The following DUSP22 variants were observed in gnomAD, a reference collection of about 807,000 sequenced individuals.
The protein encoded by DUSP22 is dual specificity protein phosphatase 22.
Under a neutral mutation model 24.5 loss-of-function variants are expected in DUSP22, and 24 were observed. That is an observed-to-expected ratio of 0.98 (90% CI 0.71 to 1.38). DUSP22 has a LOEUF of 1.38. Ranked by LOEUF, DUSP22 falls within the 40% of genes most tolerant of loss-of-function variation. The probability of loss-of-function intolerance (pLI) is 0.00; values close to 1 mark genes in which losing one functional copy is unlikely to be tolerated. For missense variants in DUSP22, 330 were observed against 269.2 expected, an observed-to-expected ratio of 1.23 and a Z score of -1.58; for synonymous variants, 160 against 106.4, an observed-to-expected ratio of 1.50 and a Z score of -3.10.
intron 6 of DUSP22, chr6:348,558 A>G (rs1175213430): frequency 7.4e-6 from 7 of 940,020 alleles, no homozygotes; most frequent in African/African-American, 5.0e-5. Context: ...GGTCTGGCCT[A>G]TTTTCATGTC....
At chr6:346,003 G>C (rs1055993498) in intron 5 of DUSP22, 75 bp downstream of exon 5, 4 of 1,572,044 alleles carry the variant, frequency 2.5e-6, no homozygotes, top group African/African-American at 2.7e-5. Context: ...GTTTTTCCGT[G>C]TGTGAATAAT....
At chr6:298,617 G>A (rs1757443660) in intron 1 of DUSP22, among the ~76,000 whole-genome samples, 1 of 152,310 alleles carries the variant, frequency 6.6e-6, no homozygotes. Flanking sequence ...TCCATCAGGA[G>A]GAACCATCAA....
chr6:331,708 GTA>G lies in DUSP22; in HGVS notation c.139-3404_139-3403del, dbSNP rs1474024160. Among the ~76,000 whole-genome samples, 9 of 152,302 alleles carry G rather than the reference GTA, an allele frequency of 5.9e-5. No individual in the cohort carries two copies. In the East Asian group the frequency reaches 7.7e-4, roughly 13 times the overall value. Reference sequence around the variant, plus strand: ...TGTCATGAATTGTACACATGTGCAGGTATCTGAAGCTGTTCTAAGGTAACTCA... The same window carrying G: ...TGTCATGAATTGTACACATGTGCAGGTCTGAAGCTGTTCTAAGGTAACTCA... On this transcript the variant is annotated intron_variant, in intron 3 of 6. Coordinates refer to ENST00000419235, the MANE Select transcript of DUSP22 (RefSeq NM_001286555.3).
At chr6:335,669 T>G (rs1759329177) in intron 4 of DUSP22, among the ~76,000 whole-genome samples, 1 of 152,302 alleles carries the variant, frequency 6.6e-6, no homozygotes, top group South Asian at 2.1e-4. Context: ...GTACTCAATA[T>G]AAAAAATTAA....
At chr6:341,809 G>A (rs1026838476) in intron 4 of DUSP22, among the ~76,000 whole-genome samples, 34 of 152,410 alleles carry the variant, frequency 2.2e-4, no homozygotes, top group African/African-American at 8.2e-4. Flanking sequence ...GTGGTGCAGA[G>A]TGGGGTCACC....
At position 350,332 on chromosome 6, in the gene DUSP22, C is replaced by G; in HGVS notation, c.*1381C>G. The G allele has an allele frequency of 2.0e-6, 2 of 1,012,600 alleles. No individual in the cohort carries two copies. 62.7% of individuals were successfully genotyped at this position (1,012,600 alleles called of 1,614,324 possible). On this transcript the variant is annotated 3_prime_UTR_variant, in exon 7 of 7. Transcript: ENST00000419235. The stretch of plus-strand genomic sequence containing the variant: ...GCTGCAGGCATCCTGGGACGCTGTA[C>G]GCAATTCAGTGGTCTAGTCCTTTAT...
intron 3 of DUSP22, among the ~76,000 whole-genome samples, chr6:318,404 T>C (rs1017214432): frequency 2.6e-5 from 4 of 152,302 alleles, no homozygotes; most frequent in South Asian, 2.1e-4. Context: ...CAGGGACTTG[T>C]GTTCTGGTTG....
Position 351,027 on chromosome 6 carries a change from A to C in DUSP22, c.*2076A>C. 1.8e-6 allele frequency: 2 copies of C among 1,102,778 alleles called. No individual in the cohort carries two copies. The highest frequency in any genetic ancestry group is 2.9e-5 in the South Asian group (2 of 69,198). 68.3% of individuals were successfully genotyped at this position (1,102,778 alleles called of 1,614,324 possible). A position where few individuals can be genotyped will look rare whatever the true frequency, so the allele number is the denominator to read the frequency against. On this transcript the variant is annotated 3_prime_UTR_variant, in exon 7 of 7. Coordinates refer to ENST00000419235, the MANE Select transcript of DUSP22 (RefSeq NM_001286555.3). Reference sequence around the variant, plus strand: ...GTAGTCATGTTTATGTTGAGAACTAAGGATATTCTTTAGCAAGAGAAAATA... The same window carrying C: ...GTAGTCATGTTTATGTTGAGAACTACGGATATTCTTTAGCAAGAGAAAATA...
At chr6:346,276 TC>T in intron 5 of DUSP22, among the ~76,000 whole-genome samples, 1 of 152,310 alleles carries the variant, frequency 6.6e-6, no homozygotes, top group Non-Finnish European at 1.5e-5. Flanking sequence ...TGTAGGCTCA[TC>T]CTTGAAACCT....
intron 3 of DUSP22, among the ~76,000 whole-genome samples, chr6:327,121 G>A (rs1204582353): frequency 6.6e-6 from 1 of 152,308 alleles, no homozygotes; most frequent in Non-Finnish European, 1.5e-5. Flanking sequence ...CACCCACCCT[G>A]GGCTTCGCTG....
At chr6:337,215 A>C (rs1759395855) in intron 4 of DUSP22, 1 of 152,484 alleles carries the variant, frequency 6.6e-6, no homozygotes, top group Non-Finnish European at 1.5e-5. Context: ...ATGTTAGAAA[A>C]TCTCAACTGT....
At position 349,867 on chromosome 6, in the gene DUSP22, G is replaced by A; in HGVS notation, c.*916G>A. ...GGCAGGCGCACTTTAGCCTAAGTTG[G>A]GTGCCCCAGGGCACCCCCTCCTCTC... On this transcript the variant is annotated 3_prime_UTR_variant, in exon 7 of 7. Coordinates refer to ENST00000419235, the MANE Select transcript of DUSP22 (RefSeq NM_001286555.3). 3.0e-6 allele frequency: 3 copies of A among 985,986 alleles called. No homozygotes were observed. Among genetic ancestry groups the A allele is most frequent in the Non-Finnish European group, 3.6e-6 (3 of 830,334 alleles). The allele number at this position is 985,986 out of a possible 1,614,324, so 61.1% of individuals were successfully genotyped here. A position where few individuals can be genotyped will look rare whatever the true frequency, so the allele number is the denominator to read the frequency against.
chr6:328,956 C>G (rs997478540), intron 3 of DUSP22, among the ~76,000 whole-genome samples: 1 of 152,302 alleles, frequency 6.6e-6, no homozygotes, highest in Non-Finnish European at 1.5e-5. Flanking sequence ...TGCTTTTTCC[C>G]TTTAACCTTA....
chr6:340,675 G>A lies in DUSP22; in HGVS notation c.189-5179G>A, dbSNP rs1300284292. 3.3e-5 allele frequency among the ~76,000 whole-genome samples: 5 copies of A among 152,304 alleles called. No homozygotes were observed. The South Asian group carries it at 8.3e-4, about 25-fold the overall frequency. Reference sequence around the variant, plus strand: ...TTTGTATCATTTGCAGGAAGGAGGAGCACCCTGTGTCCCTGTGGCCTTGCT... The same window carrying A: ...TTTGTATCATTTGCAGGAAGGAGGAACACCCTGTGTCCCTGTGGCCTTGCT... On this transcript the variant is annotated intron_variant, in intron 4 of 6. Coordinates refer to ENST00000419235, the MANE Select transcript of DUSP22 (RefSeq NM_001286555.3).
intron 3 of DUSP22, among the ~76,000 whole-genome samples, chr6:316,170 G>T (rs1758327992): frequency 6.6e-6 from 1 of 152,302 alleles, no homozygotes; most frequent in African/African-American, 2.4e-5. Context: ...GCTTAACCAG[G>T]CTGGTTCTCA....
intron 2 of DUSP22, among the ~76,000 whole-genome samples, chr6:308,732 C>T (rs578051890): frequency 2.0e-5 from 3 of 152,422 alleles, no homozygotes; most frequent in Admixed American, 6.5e-5. Context: ...GCCTTGTGAA[C>T]GTATGAAACC....
intron 2 of DUSP22, among the ~76,000 whole-genome samples, chr6:311,232 C>T (rs1758072160): frequency 6.6e-6 from 1 of 152,304 alleles, no homozygotes; most frequent in African/African-American, 2.4e-5. Context: ...TAGCAGATGG[C>T]TTCAAGGTAA....
intron 4 of DUSP22, among the ~76,000 whole-genome samples, chr6:344,878 C>T (rs7762811): frequency 0.042 from 6,343 of 149,730 alleles, no homozygotes; most frequent in African/African-American, 0.14. Context: ...GCCCACACGA[C>T]GTGGTCACCT....
In DUSP22 at chr6:349,070, C is replaced by A. The variant is rs555187878; in HGVS notation, c.*119C>A. 1.4e-6 allele frequency: 2 copies of A among 1,477,140 alleles called. No individual in the cohort carries two copies. Among genetic ancestry groups the A allele is most frequent in the Admixed American group, 4.5e-5 (2 of 44,354 alleles). The allele number at this position is 1,477,140 out of a possible 1,614,324, so 91.5% of individuals were successfully genotyped here. ...GGGAGATAGCCAGGGCGAGGTGGGG[C>A]GAGGGCTCCTTCCCCCAAGCAACAC... On this transcript the variant is annotated 3_prime_UTR_variant, in exon 7 of 7. Coordinates refer to ENST00000419235, the MANE Select transcript of DUSP22 (RefSeq NM_001286555.3).
Sources: allele counts gnomAD v4.1 joint callset (sites outside exome capture counted in the v4.1 genomes callset), GRCh38; gene constraint gnomAD v4.1.1; transcripts MANE v1.5; gene names NCBI Gene and HGNC (gene_info 2026-07-23, HGNC 2026-07-21).